Variants in COG5 observed in about 807,000 individuals in gnomAD.
The protein encoded by COG5 is conserved oligomeric Golgi complex subunit 5.
In COG5, 86 loss-of-function variants were observed where a neutral mutation model predicts 110.4. The observed-to-expected ratio is 0.78, with a 90% CI of 0.65 to 0.93. The LOEUF is 0.93. COG5 is among the 40% of genes least tolerant of loss of function. The pLI is 0.00. For missense variants in COG5, 1,077 were observed against 987.0 expected, an observed-to-expected ratio of 1.09 and a Z score of -1.22; for synonymous variants, 360 against 334.6, an observed-to-expected ratio of 1.08 and a Z score of -0.83.
chr7:107,406,377 A>G (rs1196267686), intron 7 of COG5, among the ~76,000 whole-genome samples: 1 of 152,228 alleles, frequency 6.6e-6, no homozygotes, highest in Non-Finnish European at 1.5e-5. Flanking sequence ...GTTAAATAAC[A>G]ACAGTCATCT....
At chr7:107,290,813 T>A (rs1348983715) in intron 12 of COG5, among the ~76,000 whole-genome samples, 2 of 151,642 alleles carry the variant, frequency 1.3e-5, no homozygotes, top group Non-Finnish European at 2.9e-5. Flanking sequence ...ATAGTTGTAT[T>A]TGGGAAGGGG....
chr7:107,314,427 TAATA>T lies in COG5; in HGVS notation c.1108+10009_1108+10012del, dbSNP rs973529164. ...CTTTTTCTTAATGAGTATTATAGCT[TAATA>T]AATACTTTTTTAAAAGATTAATGGA... On this transcript the variant is annotated intron_variant, in intron 11 of 21. Transcript: ENST00000297135. Among the ~76,000 whole-genome samples the T allele has an allele frequency of 2.0e-5, 3 of 152,174 alleles. No individual in the cohort carries two copies. The South Asian group carries it at 6.2e-4, about 32-fold the overall frequency.
At chr7:107,395,729 A>AT in intron 7 of COG5, among the ~76,000 whole-genome samples, 1 of 151,756 alleles carries the variant, frequency 6.6e-6, no homozygotes, top group Middle Eastern at 3.4e-3. Context: ...TAATCTTTGT[A>AT]TTTTTAGTAG....
chr7:107,513,032 A>G (rs1376282192), intron 6 of COG5, among the ~76,000 whole-genome samples: 4 of 151,944 alleles, frequency 2.6e-5, no homozygotes, highest in Non-Finnish European at 5.9e-5. Flanking sequence ...GCAACAAAAG[A>G]CAAAATTGAC....
At chr7:107,487,076 A>T (rs891752539) in intron 6 of COG5, among the ~76,000 whole-genome samples, 1 of 152,206 alleles carries the variant, frequency 6.6e-6, no homozygotes, top group East Asian at 1.9e-4. Flanking sequence ...ATTAAGTAAA[A>T]TATTAACAAG....
In COG5 at chr7:107,481,935, G is replaced by C. The variant is rs571709426; in HGVS notation, c.538+45302C>G. ...AAAAGTACCTGATACATACTGACTG[G>C]TAAGTAAATATTAGTGGAATTGAAA... On this transcript the variant is annotated intron_variant, in intron 6 of 21. Coordinates refer to ENST00000297135, the MANE Select transcript of COG5 (RefSeq NM_006348.5). 5.9e-5 allele frequency among the ~76,000 whole-genome samples: 9 copies of C among 152,114 alleles called. No homozygotes were observed. The East Asian group carries it at 1.7e-3, about 29-fold the overall frequency.
At chr7:107,519,193 A>G (rs1420387492) in intron 6 of COG5, among the ~76,000 whole-genome samples, 3 of 152,192 alleles carry the variant, frequency 2.0e-5, no homozygotes, top group Non-Finnish European at 4.4e-5. Flanking sequence ...CCACAGGAGA[A>G]AGCAGGAAAG....
intron 16 of COG5, among the ~76,000 whole-genome samples, chr7:107,252,614 T>C (rs1802601000): frequency 6.6e-6 from 1 of 152,160 alleles, no homozygotes; most frequent in South Asian, 2.1e-4. Context: ...TTTATGACAA[T>C]ATACCTTATG....
At chr7:107,402,412 G>C (rs1791502961) in intron 7 of COG5, among the ~76,000 whole-genome samples, 3 of 152,140 alleles carry the variant, frequency 2.0e-5, no homozygotes, top group African/African-American at 4.8e-5. Context: ...TGAACCTCCA[G>C]AAAGTCTCAT....
In COG5 at chr7:107,548,114, A is replaced by G. The variant is rs1802587707; in HGVS notation, c.414T>C (p.Leu138=). 2 of 1,612,462 alleles carry G rather than the reference A, an allele frequency of 1.2e-6. No individual in the cohort carries two copies. Among genetic ancestry groups the G allele is most frequent in the Non-Finnish European group, 1.7e-6 (2 of 1,178,646 alleles). Residue 138 remains leucine, a synonymous_variant, in exon 5 of 22, where the codon CTT becomes CTC. Coordinates refer to ENST00000297135, the MANE Select transcript of COG5 (RefSeq NM_006348.5). ...AGAAATAAAAGTAAGAAACTACCTG[A>G]AGTCTTGCTAGTTGTGCAGTCCGGG... The part of the protein sequence containing the change: ...IVARTAQLAR[L]QVACDLLRRI...
chr7:107,503,530 G>A (rs1318708538), intron 6 of COG5, among the ~76,000 whole-genome samples: 2 of 151,690 alleles, frequency 1.3e-5, no homozygotes, highest in South Asian at 2.1e-4. Context: ...TTTCCCATTC[G>A]GTGAAAAATA....
In COG5 at chr7:107,548,277, C is replaced by T; in HGVS notation, c.347+1G>A. The T allele has an allele frequency of 6.2e-7, 1 of 1,611,184 alleles. No homozygotes were observed. The highest frequency in any genetic ancestry group is 1.3e-5 in the African/African-American group (1 of 74,980). On this transcript the variant is annotated splice_donor_variant, in intron 4 of 21. Coordinates refer to ENST00000297135, the MANE Select transcript of COG5 (RefSeq NM_006348.5). LOFTEE classifies it high-confidence loss of function. ...TTTATTTATAAAATTAAGAACAGTA[C>T]CTATCAACAGCTCCCTGTAAAGCCC...
At chr7:107,437,929 C>T (rs761519032) in intron 6 of COG5, among the ~76,000 whole-genome samples, 12 of 152,068 alleles carry the variant, frequency 7.9e-5, no homozygotes, top group Non-Finnish European at 1.6e-4. Flanking sequence ...CCATGAGAAA[C>T]AGTTAACATG....
rs534555984 is a variant in COG5, at chr7:107,407,211, G to A, written c.669+5291C>T. Among the ~76,000 whole-genome samples, 318 of 151,986 alleles carry A rather than the reference G, an allele frequency of 2.1e-3. 2 individuals are homozygous for A. The highest frequency in any genetic ancestry group is 6.9e-3 in the African/African-American group (285 of 41,460). On this transcript the variant is annotated intron_variant, in intron 7 of 21. Transcript: ENST00000297135. ...AGTCTGGCCAACATGGCGAAACCCC[G>A]TCTCTACTAAAAATACAAAAATGAG...
intron 6 of COG5, among the ~76,000 whole-genome samples, chr7:107,426,063 T>A (rs533927794): frequency 5.3e-5 from 8 of 152,264 alleles, no homozygotes; most frequent in African/African-American, 1.9e-4. Flanking sequence ...ATGGAACAGC[T>A]TCTCCCTTAT....
intron 16 of COG5, among the ~76,000 whole-genome samples, chr7:107,255,682 T>A (rs1206377331): frequency 6.6e-6 from 1 of 152,144 alleles, no homozygotes; most frequent in Non-Finnish European, 1.5e-5. Context: ...TTATTACTCT[T>A]GTGTAGGCTT....
chr7:107,334,310 A>T (rs562022243), intron 10 of COG5, among the ~76,000 whole-genome samples: 47 of 152,308 alleles, frequency 3.1e-4, no homozygotes, highest in Admixed American at 8.5e-4. Context: ...AAAAAGATAA[A>T]TGCTGCATGT....
intron 6 of COG5, among the ~76,000 whole-genome samples, chr7:107,494,475 T>A (rs1476913302): frequency 6.6e-6 from 1 of 152,184 alleles, no homozygotes; most frequent in Non-Finnish European, 1.5e-5. Context: ...CTTAGCATAA[T>A]ATGTCACCTG....
chr7:107,542,971 CA>C (rs10706886), intron 5 of COG5, among the ~76,000 whole-genome samples: 46,235 of 119,954 alleles, frequency 0.39, 7,357 homozygotes, highest in African/African-American at 0.52. Flanking sequence ...AACTCTGTCT[CA>C]AAAAAAAAAA....
Sources: gnomAD v4.1 joint callset for allele counts (sites outside exome capture counted in the v4.1 genomes callset) on GRCh38, gnomAD v4.1.1 for gene constraint, MANE v1.5 for transcripts, NCBI Gene and HGNC (gene_info 2026-07-23, HGNC 2026-07-21) for gene names.